The following ARHGEF12 variants were observed in gnomAD, a reference collection of about 807,000 sequenced individuals.
ARHGEF12 encodes the protein KMT2A/ARHGEF12 fusion protein.
A neutral mutation model predicts 211.2 loss-of-function variants in ARHGEF12; 66 were observed. That is an observed-to-expected ratio of 0.31 (90% CI 0.26 to 0.38). The LOEUF is 0.38. Among genes scored for constraint, ARHGEF12 ranks in the 10% least tolerant of loss-of-function variants. ARHGEF12 has a pLI of 1.00. For missense variants in ARHGEF12, 1,429 were observed against 1,869.5 expected (o/e 0.76, Z 4.34); for synonymous variants, 592 against 638.4 (o/e 0.93, Z 1.09).
chr11:120,374,796 T>C (rs182262827), intron 1 of ARHGEF12, among the ~76,000 whole-genome samples: 1 of 152,336 alleles, frequency 6.6e-6, no homozygotes, highest in African/African-American at 2.4e-5. Flanking sequence ...AAGATTATGC[T>C]TTTATGACTA....
intron 29 of ARHGEF12, among the ~76,000 whole-genome samples, chr11:120,467,794 A>G (rs1373121804): frequency 6.6e-6 from 1 of 152,048 alleles, no homozygotes; most frequent in African/African-American, 2.4e-5. Context: ...AATGTACTCC[A>G]TTAGTAGCTT....
intron 1 of ARHGEF12, among the ~76,000 whole-genome samples, chr11:120,404,706 G>A (rs1944646877): frequency 6.6e-6 from 1 of 152,184 alleles, no homozygotes; most frequent in East Asian, 1.9e-4. Context: ...TTGTTTTAGG[G>A]TAGGAGTTTT....
intron 32 of ARHGEF12, 100 bp downstream of exon 32, chr11:120,474,735 A>C: frequency 5.0e-6 from 4 of 801,588 alleles, no homozygotes; most frequent in Non-Finnish European, 8.1e-6. Flanking sequence ...CCATTCTCTC[A>C]GCAGTTTGCA....
intron 16 of ARHGEF12, 61 bp downstream of exon 16, chr11:120,445,525 A>C: frequency 2.7e-5 from 41 of 1,525,572 alleles, no homozygotes; most frequent in Non-Finnish European, 3.6e-5. Flanking sequence ...AGCTCAGCTC[A>C]TCTGTTCAGG....
intron 1 of ARHGEF12, among the ~76,000 whole-genome samples, chr11:120,350,610 T>A (rs959488606): frequency 1.3e-5 from 2 of 150,950 alleles, no homozygotes; most frequent in African/African-American, 4.8e-5. Flanking sequence ...ATTTTAAAAA[T>A]GTGGTTACTT....
In ARHGEF12 at chr11:120,395,361, C is replaced by T. The variant is rs1307476131; in HGVS notation, c.33-10757C>T. ...GGTAAATGGTGGTAACTATGTTTCT[C>T]ACTGTCTCAAAGGAGCTAAGCAAGA... On this transcript the variant is annotated intron_variant, in intron 1 of 40. Transcript: ENST00000397843. Among the ~76,000 whole-genome samples the T allele has an allele frequency of 2.0e-5, 3 of 152,094 alleles. No homozygotes were observed. The East Asian group carries it at 5.8e-4, about 29-fold the overall frequency.
chr11:120,435,001 T>A (rs971771838), intron 11 of ARHGEF12, among the ~76,000 whole-genome samples: 3 of 152,182 alleles, frequency 2.0e-5, no homozygotes, highest in African/African-American at 7.2e-5. Flanking sequence ...AAGAAGTTTT[T>A]AAAATATAGC....
chr11:120,467,427 GA>G, intron 29 of ARHGEF12, 119 bp downstream of exon 29: 2 of 363,880 alleles, frequency 5.5e-6, no homozygotes, highest in South Asian at 4.6e-5. Flanking sequence ...AGTATGACAA[GA>G]TTTTCTTTTT....
At chr11:120,378,671 G>A (rs1363749180) in intron 1 of ARHGEF12, among the ~76,000 whole-genome samples, 2 of 152,176 alleles carry the variant, frequency 1.3e-5, no homozygotes, top group Admixed American at 1.3e-4. Flanking sequence ...TGTGAGGTAA[G>A]GATTAAAGTT....
chr11:120,403,629 G>A (rs114839565), intron 1 of ARHGEF12, among the ~76,000 whole-genome samples: 2,045 of 151,944 alleles, frequency 0.013, 56 homozygotes, highest in African/African-American at 0.047. Context: ...TTTGCTATCT[G>A]TTAATAGAAA....
At chr11:120,362,442 C>G (rs1437390315) in intron 1 of ARHGEF12, among the ~76,000 whole-genome samples, 1 of 152,176 alleles carries the variant, frequency 6.6e-6, no homozygotes, top group Non-Finnish European at 1.5e-5. Context: ...CTGAATGCTT[C>G]TACTTCGTCC....
intron 7 of ARHGEF12, among the ~76,000 whole-genome samples, chr11:120,426,217 T>G (rs1945342728): frequency 6.6e-6 from 1 of 152,204 alleles, no homozygotes; most frequent in East Asian, 1.9e-4. Flanking sequence ...GTTAATGAGT[T>G]TATGCCTGAT....
chr11:120,469,201 A>T, intron 29 of ARHGEF12, 87 bp from the exon 30 acceptor site: 1 of 1,035,904 alleles, frequency 9.7e-7, no homozygotes, highest in Non-Finnish European at 1.4e-6. Flanking sequence ...TCTTAAAAGT[A>T]TTGAAATGAA....
At chr11:120,465,978 A>T (rs1946696441) in intron 28 of ARHGEF12, among the ~76,000 whole-genome samples, 3 of 152,216 alleles carry the variant, frequency 2.0e-5, no homozygotes. Context: ...CCAGGGAAAA[A>T]CGTAACAGCA....
rs1158252276 is a variant in ARHGEF12 at position 120,451,266 on chromosome 11, C to A, written c.1844-246C>A. 5 of 344,754 alleles carry A rather than the reference C, an allele frequency of 1.5e-5. No homozygotes were observed. The East Asian group carries it at 2.9e-4, about 20-fold the overall frequency. 21.4% of individuals were successfully genotyped at this position (344,754 alleles called of 1,614,324 possible). ...CAATTTCGGCTCACTGCAACCTCCG[C>A]CTCCCGGGTTGGAGCGATTCTCCTG... is the stretch of plus-strand genomic sequence containing the variant. On this transcript the variant is annotated intron_variant, in intron 21 of 40. Transcript: ENST00000397843.
intron 11 of ARHGEF12, among the ~76,000 whole-genome samples, chr11:120,436,796 A>G (rs185708800): frequency 3.0e-4 from 46 of 152,314 alleles, no homozygotes; most frequent in African/African-American, 9.9e-4. Flanking sequence ...TTGAGCATCC[A>G]TTCCCCCACA....
At chr11:120,384,484 G>T (rs1466708762) in intron 1 of ARHGEF12, among the ~76,000 whole-genome samples, 2 of 152,198 alleles carry the variant, frequency 1.3e-5, no homozygotes, top group Non-Finnish European at 1.5e-5. Flanking sequence ...GAAAGTAGAG[G>T]CTGAGTCTTC....
At chr11:120,435,477 A>G (rs1012925471) in intron 11 of ARHGEF12, among the ~76,000 whole-genome samples, 3 of 151,038 alleles carry the variant, frequency 2.0e-5, no homozygotes, top group Admixed American at 6.6e-5. Context: ...GGTGATATCA[A>G]CATGATTTCC....
intron 1 of ARHGEF12, among the ~76,000 whole-genome samples, chr11:120,364,372 G>C (rs761277764): frequency 1.3e-5 from 2 of 152,142 alleles, no homozygotes; most frequent in Non-Finnish European, 2.9e-5. Context: ...CATGTAAATT[G>C]GTTTAAACTT....
Sources: allele counts gnomAD v4.1 joint callset (sites outside exome capture counted in the v4.1 genomes callset), GRCh38; gene constraint gnomAD v4.1.1; transcripts MANE v1.5; gene names NCBI Gene and HGNC (gene_info 2026-07-23, HGNC 2026-07-21).